Variants in NFIA observed in about 807,000 individuals in gnomAD.
NFIA encodes the protein nuclear factor I A.
A neutral mutation model predicts 62.8 loss-of-function variants in NFIA; 8 were observed. The observed-to-expected ratio is 0.13, with a 90% CI of 0.07 to 0.23. The LOEUF is 0.23. Ranked by LOEUF, NFIA falls within the 10% of genes least tolerant of loss-of-function variation. The probability of loss-of-function intolerance (pLI) is 1.00; values close to 1 mark genes in which losing one functional copy is unlikely to be tolerated. For missense variants in NFIA, 410 were observed against 642.1 expected, an observed-to-expected ratio of 0.64 and a Z score of 3.91; for synonymous variants, 235 against 238.1, an observed-to-expected ratio of 0.99 and a Z score of 0.12.
At chr1:61,372,926 T>C (rs1369058153) in intron 6 of NFIA, among the ~76,000 whole-genome samples, 1 of 152,172 alleles carries the variant, frequency 6.6e-6, no homozygotes. Flanking sequence ...AAATAAGAGC[T>C]GAAGAGAGAA....
chr1:61,100,597 GATT>G (rs1646491504), intron 2 of NFIA, among the ~76,000 whole-genome samples: 1 of 152,202 alleles, frequency 6.6e-6, no homozygotes, highest in Admixed American at 6.5e-5. Flanking sequence ...AATTTATGGT[GATT>G]ATTATTATTT....
chr1:61,381,952 C>A (rs943086981), intron 6 of NFIA, among the ~76,000 whole-genome samples: 1 of 152,162 alleles, frequency 6.6e-6, no homozygotes, highest in Non-Finnish European at 1.5e-5. Context: ...CATGGTACTC[C>A]ATAACAGTTA....
chr1:61,219,811 A>G (rs1653904791), intron 2 of NFIA, among the ~76,000 whole-genome samples: 2 of 152,008 alleles, frequency 1.3e-5, no homozygotes, highest in South Asian at 4.2e-4. Flanking sequence ...TAAGCATAGA[A>G]AAATTAGTGG....
At chr1:61,162,609 T>TA (rs1487946414) in intron 2 of NFIA, among the ~76,000 whole-genome samples, 2 of 152,190 alleles carry the variant, frequency 1.3e-5, no homozygotes, top group African/African-American at 4.8e-5. Flanking sequence ...TCTATCATGA[T>TA]AGATTATGCT....
Position 61,408,292 on chromosome 1 carries a change from A to G in NFIA, c.1420+1565A>G, listed in dbSNP as rs796340916. ...AAGCTGGGCTTGGCCCATGGATCTT[A>G]GAAGCTCAGCTTAGAAGGAAAGCCT... On this transcript the variant is annotated intron_variant, in intron 9 of 10. Coordinates refer to ENST00000403491, the MANE Select transcript of NFIA (RefSeq NM_001134673.4). Among the ~76,000 whole-genome samples, 239 of 152,374 alleles carry G rather than the reference A, an allele frequency of 1.6e-3. 2 individuals are homozygous for G. The highest frequency in any genetic ancestry group is 5.6e-3 in the African/African-American group (234 of 41,588).
intron 2 of NFIA, among the ~76,000 whole-genome samples, chr1:61,236,748 A>T (rs1035216445): frequency 2.6e-5 from 4 of 152,164 alleles, no homozygotes; most frequent in African/African-American, 9.7e-5. Context: ...CGTGTGAAGG[A>T]CATAACCAAG....
intron 2 of NFIA, among the ~76,000 whole-genome samples, chr1:61,183,922 C>T (rs927608195): frequency 5.3e-5 from 8 of 151,942 alleles, no homozygotes; most frequent in Non-Finnish European, 1.0e-4. Context: ...GATGTGCTTT[C>T]AAAAGAGAGG....
At chr1:61,304,041 A>G (rs982158371) in intron 3 of NFIA, among the ~76,000 whole-genome samples, 11 of 151,822 alleles carry the variant, frequency 7.2e-5, no homozygotes, top group Non-Finnish European at 1.2e-4. Flanking sequence ...TTAGGAGGCC[A>G]AGGTGGGCCA....
chr1:61,245,946 G>C (rs1184970643), intron 2 of NFIA, among the ~76,000 whole-genome samples: 1 of 152,076 alleles, frequency 6.6e-6, no homozygotes, highest in Admixed American at 6.5e-5. Context: ...AAAGTTCCAG[G>C]TGAAATTCAC....
chr1:61,302,941 C>G (rs1387750646), intron 3 of NFIA, among the ~76,000 whole-genome samples: 2 of 152,106 alleles, frequency 1.3e-5, no homozygotes, highest in African/African-American at 4.8e-5. Flanking sequence ...GGAAATGTAT[C>G]TTTAGTACAC....
At position 61,088,989 on chromosome 1, in the gene NFIA, A is replaced by G. The variant is rs1440094209; in HGVS notation, c.559+309A>G. On this transcript the variant is annotated intron_variant, in intron 2 of 10. Coordinates refer to ENST00000403491, the MANE Select transcript of NFIA (RefSeq NM_001134673.4). The surrounding 1 kb of genome is among the most constrained non-coding windows in gnomAD (Gnocchi z 4.5). The stretch of plus-strand genomic sequence containing the variant: ...AGAGAAGCCTCGTGAAAACCCTTTT[A>G]ATAAAGAGTATATTTTAACTGACAA... Among the ~76,000 whole-genome samples, 1 of 152,216 alleles carries G rather than the reference A, an allele frequency of 6.6e-6. No individual in the cohort carries two copies. The highest frequency in any genetic ancestry group is 1.5e-5 in the Non-Finnish European group (1 of 68,038).
At chr1:61,120,663 T>A (rs1646873195) in intron 2 of NFIA, among the ~76,000 whole-genome samples, 2 of 152,202 alleles carry the variant, frequency 1.3e-5, no homozygotes, top group South Asian at 4.1e-4. Context: ...TTAAAAGTGA[T>A]CAAGGTAGCA....
At chr1:61,308,290 T>C (rs1288331241) in intron 3 of NFIA, among the ~76,000 whole-genome samples, 3 of 152,244 alleles carry the variant, frequency 2.0e-5, no homozygotes, top group Admixed American at 6.5e-5. Context: ...ATGAATGCAG[T>C]TGCTCATATG....
chr1:61,285,913 G>C (rs2100296025), intron 3 of NFIA, among the ~76,000 whole-genome samples: 1 of 152,274 alleles, frequency 6.6e-6, no homozygotes, highest in Non-Finnish European at 1.5e-5. Flanking sequence ...ATCTCTGTAG[G>C]TATTTTACAA....
chr1:61,184,106 T>TGGGG (rs3833520), intron 2 of NFIA, among the ~76,000 whole-genome samples: 1 of 101,806 alleles, frequency 9.8e-6, no homozygotes, highest in East Asian at 2.7e-4. Flanking sequence ...GTAAGGTTTA[T>TGGGG]GGGGGGGGGA....
chr1:61,190,292 A>G (rs375515854), intron 2 of NFIA, among the ~76,000 whole-genome samples: 1 of 152,158 alleles, frequency 6.6e-6, no homozygotes, highest in Non-Finnish European at 1.5e-5. Context: ...GCACTAATTA[A>G]TTCTTTCCGC....
chr1:61,308,825 T>C (rs1394966356), intron 3 of NFIA, among the ~76,000 whole-genome samples: 1 of 152,198 alleles, frequency 6.6e-6, no homozygotes, highest in Non-Finnish European at 1.5e-5. Flanking sequence ...GTTATTGCTG[T>C]TCTTGTCTTG....
chr1:61,211,436 A>G (rs937108950), intron 2 of NFIA, among the ~76,000 whole-genome samples: 2 of 152,192 alleles, frequency 1.3e-5, no homozygotes, highest in Non-Finnish European at 2.9e-5. Flanking sequence ...ATAAATAGTA[A>G]CAGCTTATTT....
chr1:61,444,374 G>A (rs939586440), intron 10 of NFIA, among the ~76,000 whole-genome samples: 32 of 152,164 alleles, frequency 2.1e-4, no homozygotes, highest in African/African-American at 6.8e-4. Context: ...TTGGTGCTGC[G>A]TAGCCTCTGA....
Sources: gnomAD v4.1 joint callset for allele counts (sites outside exome capture counted in the v4.1 genomes callset) on GRCh38, gnomAD v4.1.1 for gene constraint, Gnocchi (gnomAD v3.1) non-coding constraint, MANE v1.5 for transcripts, NCBI Gene and HGNC (gene_info 2026-07-23, HGNC 2026-07-21) for gene names.